The following EGFLAM variants were observed in gnomAD, a reference collection of about 807,000 sequenced individuals.
EGFLAM encodes EGF like, fibronectin type III and laminin G domains.
A neutral mutation model predicts 113.1 loss-of-function variants in EGFLAM; 79 were observed. The observed-to-expected ratio is 0.70, with a 90% CI of 0.58 to 0.84. EGFLAM has a LOEUF of 0.84. EGFLAM is among the 40% of genes least tolerant of loss of function. The pLI is 0.00. For synonymous variants in EGFLAM, 504 were observed against 487.6 expected, an observed-to-expected ratio of 1.03 and a Z score of -0.44; for missense variants, 1,265 against 1,291.6, an observed-to-expected ratio of 0.98 and a Z score of 0.32.
chr5:38,390,819 T>A (rs1740788374), intron 6 of EGFLAM, among the ~76,000 whole-genome samples: 1 of 152,142 alleles, frequency 6.6e-6, no homozygotes, highest in African/African-American at 2.4e-5. Context: ...TTTATTGGTA[T>A]AAATACCCAT....
rs748895333 is a variant in EGFLAM at position 38,418,170 on chromosome 5, C to T, written c.1599C>T (p.Gly533=). The change falls in exon 12 of 22, where the codon GGC becomes GGT. Residue 533 remains glycine, a synonymous_variant. Coordinates refer to ENST00000322350, the MANE Select transcript of EGFLAM (RefSeq NM_152403.4). ...RATGTNRGFQ[G]CVQSLAVNGR... ...CAGGGACAAACCGAGGCTTTCAAGG[C>T]TGTGTGCAGTCGCTCGCTGTGAATG... is the stretch of plus-strand genomic sequence containing the variant. 1.2e-6 allele frequency: 2 copies of T among 1,614,172 alleles called. No individual in the cohort carries two copies. Among genetic ancestry groups the T allele is most frequent in the Non-Finnish European group, 1.7e-6 (2 of 1,180,030 alleles).
rs759722068 is a variant in EGFLAM at position 38,418,216 on chromosome 5, C to G, written c.1645C>G (p.Pro549Ala). The G allele has an allele frequency of 1.2e-6, 2 of 1,613,738 alleles. No individual in the cohort carries two copies. The highest frequency in any genetic ancestry group is 1.1e-5 in the South Asian group (1 of 91,044). ...GAATGGGAGGAGAATTGACATGAGG[C>G]CCTGGCCCCTGGGAAAAGCACTCAG... ...AVNGRRIDMRPWPLGKALSGA... is the reference protein window; with the variant it reads ...AVNGRRIDMRAWPLGKALSGA... The change falls in exon 12 of 22, where the codon CCC (proline) becomes GCC (alanine). Residue 549 changes from proline to alanine, a missense_variant. Pro to Ala is a conservative substitution (Grantham distance 27). Coordinates refer to ENST00000322350, the MANE Select transcript of EGFLAM (RefSeq NM_152403.4).
chr5:38,451,245 C>G, intron 18 of EGFLAM, 70 bp from the exon 19 acceptor site: 1 of 1,575,496 alleles, frequency 6.3e-7, no homozygotes, highest in Non-Finnish European at 8.6e-7. Context: ...GGCTGGCAGA[C>G]AAAACTGGAA....
intron 5 of EGFLAM, among the ~76,000 whole-genome samples, chr5:38,360,487 G>T (rs924856265): frequency 6.6e-6 from 1 of 152,134 alleles, no homozygotes; most frequent in South Asian, 2.1e-4. Context: ...GTATCAAGAC[G>T]TAGGGGAGGC....
At chr5:38,320,937 G>A (rs1009380042) in intron 1 of EGFLAM, among the ~76,000 whole-genome samples, 10 of 152,138 alleles carry the variant, frequency 6.6e-5, no homozygotes, top group African/African-American at 2.2e-4. Flanking sequence ...AACCCTTCTA[G>A]AAAGTTCCCC....
chr5:38,318,448 T>G (rs1738657420), intron 1 of EGFLAM, among the ~76,000 whole-genome samples: 1 of 151,598 alleles, frequency 6.6e-6, no homozygotes, highest in African/African-American at 2.4e-5. Context: ...TATAGTATAC[T>G]AGTATAGTAT....
At chr5:38,265,316 A>G (rs1209350485) in intron 1 of EGFLAM, among the ~76,000 whole-genome samples, 1 of 152,210 alleles carries the variant, frequency 6.6e-6, no homozygotes, top group African/African-American at 2.4e-5. Context: ...GTGGGACTCC[A>G]GCTTGCCCAG....
chr5:38,452,629 G>A (rs1742958914), intron 19 of EGFLAM, among the ~76,000 whole-genome samples: 2 of 152,204 alleles, frequency 1.3e-5, no homozygotes, highest in South Asian at 4.1e-4. Flanking sequence ...CAGGAGCCCT[G>A]ACTTTAAATT....
At chr5:38,427,405 G>A in intron 14 of EGFLAM, 153 bp downstream of exon 14, 1 of 1,324,708 alleles carries the variant, frequency 7.5e-7, no homozygotes, top group Non-Finnish European at 1.0e-6. Flanking sequence ...TCCTGCTTCA[G>A]GCAGATGACA....
chr5:38,415,693 G>A (rs544695931), intron 11 of EGFLAM, among the ~76,000 whole-genome samples: 3 of 152,240 alleles, frequency 2.0e-5, no homozygotes, highest in East Asian at 1.9e-4. Flanking sequence ...GTATTAGTCC[G>A]TTCTCATACT....
intron 1 of EGFLAM, among the ~76,000 whole-genome samples, chr5:38,268,950 G>T (rs1579705489): frequency 6.6e-6 from 1 of 152,210 alleles, no homozygotes; most frequent in African/African-American, 2.4e-5. Flanking sequence ...GAGGTGGTGG[G>T]TGGATCGCTT....
chr5:38,267,209 C>T (rs933176569), intron 1 of EGFLAM, among the ~76,000 whole-genome samples: 2 of 152,150 alleles, frequency 1.3e-5, no homozygotes, highest in African/African-American at 4.8e-5. Flanking sequence ...TAAATTTTAA[C>T]ACTTGTGTTT....
At position 38,291,624 on chromosome 5, in the gene EGFLAM, A is replaced by C. The variant is rs116054782; in HGVS notation, c.97+32773A>C. Among the ~76,000 whole-genome samples, 1,361 of 152,354 alleles carry C rather than the reference A, an allele frequency of 8.9e-3. 22 individuals carry two copies. Among genetic ancestry groups the C allele is most frequent in the African/African-American group, 0.029 (1,191 of 41,590 alleles). ...GAAGTGGAATGAAAATGGTTTGCTCAATTCTGATGACATGACAAAGAGAAT... is the reference window on the plus strand; with the variant it reads ...GAAGTGGAATGAAAATGGTTTGCTCCATTCTGATGACATGACAAAGAGAAT... On this transcript the variant is annotated intron_variant, in intron 1 of 21. Coordinates refer to ENST00000322350, the MANE Select transcript of EGFLAM (RefSeq NM_152403.4).
intron 1 of EGFLAM, among the ~76,000 whole-genome samples, chr5:38,275,396 A>G (rs1047341880): frequency 6.6e-6 from 1 of 152,250 alleles, no homozygotes; most frequent in African/African-American, 2.4e-5. Flanking sequence ...GCAAATGGAA[A>G]CCAAAAGAGA....
intron 18 of EGFLAM, among the ~76,000 whole-genome samples, 195 bp downstream of exon 18, chr5:38,448,574 T>C (rs559617536): frequency 2.6e-4 from 40 of 152,016 alleles, no homozygotes; most frequent in African/African-American, 9.2e-4. Flanking sequence ...AAAAACAAAC[T>C]AAACTTGAGA....
rs201876106 is a variant in EGFLAM at position 38,418,185 on chromosome 5, C to T, written c.1614C>T (p.Leu538=). ...GCTTTCAAGGCTGTGTGCAGTCGCT[C>T]GCTGTGAATGGGAGGAGAATTGACA... ...NRGFQGCVQS[L]AVNGRRIDMR... Residue 538 remains leucine (L), a synonymous_variant, in exon 12 of 22, where the codon CTC becomes CTT. Coordinates refer to ENST00000322350, the MANE Select transcript of EGFLAM (RefSeq NM_152403.4). 1.1e-5 allele frequency: 17 copies of T among 1,614,046 alleles called. No individual in the cohort carries two copies. Among genetic ancestry groups the T allele is most frequent in the South Asian group, 6.6e-5 (6 of 91,068 alleles).
intron 1 of EGFLAM, chr5:38,282,374 T>G (rs1758039624): frequency 6.6e-6 from 1 of 152,180 alleles, no homozygotes; most frequent in African/African-American, 2.4e-5. Flanking sequence ...ATGTGGATGA[T>G]TAGAACCTAA....
At chr5:38,387,578 A>G (rs552385221) in intron 6 of EGFLAM, among the ~76,000 whole-genome samples, 1 of 152,340 alleles carries the variant, frequency 6.6e-6, no homozygotes, top group South Asian at 2.1e-4. Context: ...TCTGTTTGTT[A>G]TTCTGACAGT....
At chr5:38,323,072 G>A (rs1484465034) in intron 1 of EGFLAM, among the ~76,000 whole-genome samples, 5 of 152,150 alleles carry the variant, frequency 3.3e-5, no homozygotes, top group Non-Finnish European at 7.3e-5. Flanking sequence ...TTCCTATTCG[G>A]AATTTTCTGA....
Sources: allele counts gnomAD v4.1 joint callset (sites outside exome capture counted in the v4.1 genomes callset), GRCh38; gene constraint gnomAD v4.1.1; transcripts MANE v1.5; gene names NCBI Gene and HGNC (gene_info 2026-07-23, HGNC 2026-07-21).